PTPRK: variants seen among roughly 807,000 people sequenced by gnomAD.
PTPRK encodes protein tyrosine phosphatase receptor type K.
Under a neutral mutation model 178.0 loss-of-function variants are expected in PTPRK, and 75 were observed. The observed-to-expected ratio is 0.42, with a 90% CI of 0.35 to 0.51. PTPRK has a LOEUF of 0.51. Among genes scored for constraint, PTPRK ranks in the 20% least tolerant of loss-of-function variants. PTPRK has a pLI of 0.02. For missense variants in PTPRK, 1,441 were observed against 1,797.8 expected, an observed-to-expected ratio of 0.80 and a Z score of 3.59; for synonymous variants, 637 against 620.6, an observed-to-expected ratio of 1.03 and a Z score of -0.39.
intron 3 of PTPRK, among the ~76,000 whole-genome samples, chr6:128,279,362 G>A (rs996218388): frequency 6.6e-6 from 1 of 152,076 alleles, no homozygotes; most frequent in African/African-American, 2.4e-5. Context: ...ATTGATTTGT[G>A]ATGTTTAAGA....
chr6:128,346,974 C>T (rs1295440078), intron 2 of PTPRK, among the ~76,000 whole-genome samples: 1 of 152,002 alleles, frequency 6.6e-6, no homozygotes, highest in Non-Finnish European at 1.5e-5. Context: ...GATTAAAATG[C>T]TAAAAACACT....
At chr6:128,117,797 C>T (rs996242277) in intron 7 of PTPRK, among the ~76,000 whole-genome samples, 4 of 152,022 alleles carry the variant, frequency 2.6e-5, no homozygotes, top group Admixed American at 1.3e-4. Flanking sequence ...GGATTACAGG[C>T]GCCCACCACC....
intron 13 of PTPRK, among the ~76,000 whole-genome samples, chr6:128,016,865 C>T (rs143792790): frequency 1.3e-3 from 203 of 152,084 alleles, no homozygotes; most frequent in African/African-American, 4.3e-3. Flanking sequence ...TACACAGCCA[C>T]TTCTGTCCTA....
At chr6:128,081,397 T>C (rs1442406133) in intron 10 of PTPRK, among the ~76,000 whole-genome samples, 1 of 152,026 alleles carries the variant, frequency 6.6e-6, no homozygotes, top group African/African-American at 2.4e-5. Flanking sequence ...ATTTTATTCA[T>C]GATACAAATT....
chr6:128,120,656 T>C (rs1404412172), intron 7 of PTPRK, among the ~76,000 whole-genome samples: 1 of 151,962 alleles, frequency 6.6e-6, no homozygotes, highest in Non-Finnish European at 1.5e-5. Flanking sequence ...TATAATATTC[T>C]TAACTGCACA....
chr6:128,433,079 T>C (rs998969888), intron 1 of PTPRK, among the ~76,000 whole-genome samples: 2 of 152,324 alleles, frequency 1.3e-5, no homozygotes, highest in African/African-American at 2.4e-5. Flanking sequence ...TCAAAGTATT[T>C]AGGATATTTA....
At chr6:128,499,048 T>C (rs1855149748) in intron 1 of PTPRK, among the ~76,000 whole-genome samples, 1 of 152,222 alleles carries the variant, frequency 6.6e-6, no homozygotes, top group Non-Finnish European at 1.5e-5. Flanking sequence ...AAAATCAAAA[T>C]GCAGCTTTAT....
At chr6:127,970,615 T>C (rs1773796210) in intron 29 of PTPRK, among the ~76,000 whole-genome samples, 1 of 152,050 alleles carries the variant, frequency 6.6e-6, no homozygotes, top group Non-Finnish European at 1.5e-5. Context: ...ATACACATTC[T>C]GAACAAACAT....
In PTPRK at chr6:128,519,572, C is replaced by T. The variant is rs1858678977; in HGVS notation, c.100+687G>A. Among the ~76,000 whole-genome samples, 1 of 152,210 alleles carries T rather than the reference C, an allele frequency of 6.6e-6. No homozygotes were observed. The highest frequency in any genetic ancestry group is 6.5e-5 in the Admixed American group (1 of 15,286). On this transcript the variant is annotated intron_variant, in intron 1 of 29. Transcript: ENST00000368226. The surrounding 1 kb of genome is among the most constrained non-coding windows in gnomAD (Gnocchi z 4.3). ...CGCGAGTCAGGCTTCCTCCACCAGG[C>T]GCCCAGACCTCGATGCCCATGAACG...
At chr6:128,298,495 G>A (rs1824919623) in intron 3 of PTPRK, among the ~76,000 whole-genome samples, 1 of 151,784 alleles carries the variant, frequency 6.6e-6, no homozygotes, top group African/African-American at 2.4e-5. Context: ...ACCGAATCCA[G>A]CAGCACATCA....
chr6:128,395,741 T>C (rs1303742875), intron 2 of PTPRK, among the ~76,000 whole-genome samples: 1 of 152,020 alleles, frequency 6.6e-6, no homozygotes, highest in Non-Finnish European at 1.5e-5. Flanking sequence ...GCTGACAAAG[T>C]AGGGGTCAAA....
In PTPRK at chr6:128,173,689, A is replaced by T. The variant is rs548106111; in HGVS notation, c.1162+10743T>A. On this transcript the variant is annotated intron_variant, in intron 7 of 29. Transcript: ENST00000368226. The stretch of plus-strand genomic sequence containing the variant: ...TGTTCCAAGCCAGAATTCACTTCCA[A>T]TGTGTCACCAAGTTCTACTGATTCT... 3.3e-5 allele frequency among the ~76,000 whole-genome samples: 5 copies of T among 152,040 alleles called. No individual in the cohort carries two copies. In the South Asian group the frequency reaches 8.3e-4, roughly 25 times the overall value.
At chr6:128,315,614 G>A (rs184829272) in intron 3 of PTPRK, among the ~76,000 whole-genome samples, 17 of 152,004 alleles carry the variant, frequency 1.1e-4, no homozygotes, top group Non-Finnish European at 1.6e-4. Context: ...GTTTGTTTTC[G>A]TTTATATTCC....
chr6:128,118,973 G>A (rs552633200), intron 7 of PTPRK, among the ~76,000 whole-genome samples: 4 of 152,240 alleles, frequency 2.6e-5, no homozygotes, highest in African/African-American at 9.6e-5. Flanking sequence ...TCTCAGGTGA[G>A]CTTCCATTTA....
intron 10 of PTPRK, among the ~76,000 whole-genome samples, chr6:128,082,141 A>T (rs1477072548): frequency 6.6e-6 from 1 of 152,108 alleles, no homozygotes; most frequent in African/African-American, 2.4e-5. Flanking sequence ...CAACTCTTCA[A>T]AAGTATCATA....
At chr6:128,388,601 T>G (rs1395810639) in intron 2 of PTPRK, among the ~76,000 whole-genome samples, 1 of 152,238 alleles carries the variant, frequency 6.6e-6, no homozygotes, top group Non-Finnish European at 1.5e-5. Context: ...ACTTGTTTTA[T>G]AAAGTTCAAA....
At chr6:128,360,468 G>A (rs1157985525) in intron 2 of PTPRK, among the ~76,000 whole-genome samples, 1 of 152,132 alleles carries the variant, frequency 6.6e-6, no homozygotes, top group African/African-American at 2.4e-5. Flanking sequence ...ACAAAACATT[G>A]AGATGTGATG....
intron 6 of PTPRK, among the ~76,000 whole-genome samples, chr6:128,195,593 G>C (rs1804728050): frequency 6.6e-6 from 1 of 152,018 alleles, no homozygotes; most frequent in Admixed American, 6.6e-5. Context: ...ATCCCTGTAT[G>C]TACAACTAAT....
intron 2 of PTPRK, among the ~76,000 whole-genome samples, chr6:128,345,211 T>A (rs1462956526): frequency 6.6e-6 from 1 of 151,812 alleles, no homozygotes; most frequent in Admixed American, 6.6e-5. Flanking sequence ...TCTGAGGGAG[T>A]CTTCAGTGAA....
Sources: allele counts gnomAD v4.1 joint callset (sites outside exome capture counted in the v4.1 genomes callset), GRCh38; gene constraint gnomAD v4.1.1; non-coding constraint Gnocchi (gnomAD v3.1); transcripts MANE v1.5; gene names NCBI Gene and HGNC (gene_info 2026-07-23, HGNC 2026-07-21).